ARHGEF26: variants seen among roughly 807,000 people sequenced by gnomAD.
The protein encoded by ARHGEF26 is Rho guanine nucleotide exchange factor (GEF) 26.
In ARHGEF26, 59 loss-of-function variants were observed where a neutral mutation model predicts 89.4. The ratio of observed to expected loss-of-function variants is 0.66; its 90% CI spans 0.54 to 0.82. The LOEUF (loss-of-function observed/expected upper bound fraction) is 0.82. Ranked by LOEUF, ARHGEF26 falls within the 40% of genes least tolerant of loss-of-function variation. The probability of loss-of-function intolerance (pLI) is 0.00; values close to 1 mark genes in which losing one functional copy is unlikely to be tolerated. For synonymous variants in ARHGEF26, 500 were observed against 428.4 expected, an observed-to-expected ratio of 1.17 and a Z score of -2.06; for missense variants, 1,234 against 1,085.6, an observed-to-expected ratio of 1.14 and a Z score of -1.92.
chr3:154,162,368 T>A (rs559069250), intron 6 of ARHGEF26, among the ~76,000 whole-genome samples: 3 of 152,330 alleles, frequency 2.0e-5, no homozygotes, highest in African/African-American at 4.8e-5. Flanking sequence ...TTCTAATTGC[T>A]TATCATAGGA....
intron 9 of ARHGEF26, among the ~76,000 whole-genome samples, chr3:154,201,742 C>G (rs1160163071): frequency 6.6e-6 from 1 of 152,086 alleles, no homozygotes; most frequent in Non-Finnish European, 1.5e-5. Context: ...ATTTGCATTT[C>G]TCTGATAGCC....
At chr3:154,191,823 G>C (rs1248762079) in intron 8 of ARHGEF26, among the ~76,000 whole-genome samples, 1 of 152,128 alleles carries the variant, frequency 6.6e-6, no homozygotes, top group Non-Finnish European at 1.5e-5. Flanking sequence ...ATGTTCCAAG[G>C]TGCCCTGGGC....
chr3:154,138,107 A>G (rs972128594), intron 4 of ARHGEF26, among the ~76,000 whole-genome samples: 5 of 152,234 alleles, frequency 3.3e-5, no homozygotes, highest in African/African-American at 1.2e-4. Flanking sequence ...CAGTGTTATA[A>G]CTGCATTAAT....
At chr3:154,253,300 C>G (rs1718278342) in intron 13 of ARHGEF26, 117 bp downstream of exon 13, 1 of 1,135,652 alleles carries the variant, frequency 8.8e-7, no homozygotes, top group Non-Finnish European at 1.3e-6. Context: ...TCCTCCAGGG[C>G]TTCCTTCTGC....
chr3:154,175,148 T>C (rs1440344262), intron 6 of ARHGEF26, among the ~76,000 whole-genome samples: 1 of 152,224 alleles, frequency 6.6e-6, no homozygotes, highest in Non-Finnish European at 1.5e-5. Flanking sequence ...GAAAATGTGA[T>C]GGCATCCCAT....
At position 154,217,927 on chromosome 3, in the gene ARHGEF26, C is replaced by T. The variant is rs1715879227; in HGVS notation, c.1904C>T (p.Thr635Ile). 6.3e-7 allele frequency: 1 copy of T among 1,599,230 alleles called. No homozygotes were observed. The highest frequency in any genetic ancestry group is 8.5e-7 in the Non-Finnish European group (1 of 1,172,496). Residue 635 changes from threonine (T) to isoleucine (I), a missense_variant, in exon 10 of 15, where the codon ACA becomes ATA. Coordinates refer to ENST00000465093, the MANE Select transcript of ARHGEF26 (RefSeq NM_015595.4). ...ATGGAAAGGACTGAGATGATGTACA[C>T]AATTAACTCCCAGCTGGAATTTAAA... ...RKMERTEMMY[T>I]INSQLEFKIK...
chr3:154,250,467 C>T (rs1207800137), intron 12 of ARHGEF26, among the ~76,000 whole-genome samples: 7 of 152,188 alleles, frequency 4.6e-5, no homozygotes, highest in Non-Finnish European at 1.0e-4. Flanking sequence ...TTGTTCTATC[C>T]TCTGGAGTCC....
intron 6 of ARHGEF26, among the ~76,000 whole-genome samples, chr3:154,160,920 T>C (rs1270890438): frequency 2.0e-5 from 3 of 152,120 alleles, no homozygotes; most frequent in Non-Finnish European, 4.4e-5. Context: ...CCTCTTTGGC[T>C]CTACCCAGCA....
chr3:154,193,472 T>C (rs1263017145), intron 8 of ARHGEF26, among the ~76,000 whole-genome samples: 1 of 152,182 alleles, frequency 6.6e-6, no homozygotes, highest in Non-Finnish European at 1.5e-5. Flanking sequence ...TCTGTACATT[T>C]AAGGGACCAG....
chr3:154,191,216 A>G lies in ARHGEF26; in HGVS notation c.1641-73A>G. The G allele has an allele frequency of 2.1e-6, 3 of 1,461,248 alleles. No homozygotes were observed. The African/African-American group carries it at 4.2e-5, about 21-fold the overall frequency. 90.5% of individuals were successfully genotyped at this position (1,461,248 alleles called of 1,614,324 possible). ...ATATGGATTTATCACAGTATTTTGT[A>G]ATACATTTTTACTTGCTGCTTAATT... On this transcript the variant is annotated intron_variant, in intron 7 of 14. Transcript: ENST00000465093.
At chr3:154,242,545 A>G (rs943311727) in intron 12 of ARHGEF26, among the ~76,000 whole-genome samples, 6 of 152,236 alleles carry the variant, frequency 3.9e-5, no homozygotes, top group African/African-American at 1.4e-4. Context: ...GAGCAAAGAA[A>G]GTGAAGTTGC....
chr3:154,232,996 T>G (rs559321183), intron 11 of ARHGEF26, among the ~76,000 whole-genome samples: 26 of 150,754 alleles, frequency 1.7e-4, no homozygotes, highest in African/African-American at 5.3e-4. Flanking sequence ...CCCGGCTAAT[T>G]TTTTTTTTCT....
chr3:154,244,851 G>T (rs2108290214), intron 12 of ARHGEF26, among the ~76,000 whole-genome samples: 1 of 152,106 alleles, frequency 6.6e-6, no homozygotes, highest in African/African-American at 2.4e-5. Context: ...AGTCTTTCTA[G>T]TAACAAATTT....
chr3:154,234,805 G>T (rs1423789555), intron 11 of ARHGEF26, among the ~76,000 whole-genome samples: 2 of 151,526 alleles, frequency 1.3e-5, no homozygotes, highest in Non-Finnish European at 2.9e-5. Flanking sequence ...TCACTTTGTC[G>T]CCCAGGCTGG....
Position 154,121,932 on chromosome 3 carries a change from T to C in ARHGEF26, c.-51-10T>C. On this transcript the variant is annotated splice_polypyrimidine_tract_variant and intron_variant, in intron 1 of 14. Coordinates refer to ENST00000465093, the MANE Select transcript of ARHGEF26 (RefSeq NM_015595.4). Reference sequence around the variant, plus strand: ...CAGAGGCACAGTTTCCTAACTTCTTTCCTCTTTAGGCAAGACTAACTCGGT... The same window carrying C: ...CAGAGGCACAGTTTCCTAACTTCTTCCCTCTTTAGGCAAGACTAACTCGGT... 1 of 1,516,628 alleles carries C rather than the reference T, an allele frequency of 6.6e-7. No homozygotes were observed. 93.9% of individuals were successfully genotyped at this position (1,516,628 alleles called of 1,614,324 possible).
rs1325869647 is a variant in ARHGEF26, at chr3:154,122,528, C to T, written c.536C>T (p.Ala179Val). 1.9e-6 allele frequency: 3 copies of T among 1,613,452 alleles called. No individual in the cohort carries two copies. The highest frequency in any genetic ancestry group is 1.1e-5 in the South Asian group (1 of 91,082). The change falls in exon 2 of 15, where the codon GCC (alanine) becomes GTC (valine). Residue 179 changes from alanine to valine, a missense_variant. By Grantham distance (64) the Ala-to-Val change is moderately conservative. Transcript: ENST00000465093. ...PVPSPTANGL[A>V]ANNDSPGSGS... ...CCTTCGCCCACTGCAAATGGCCTTG[C>T]CGCTAATAACGACTCTCCTGGGTCA...
intron 9 of ARHGEF26, among the ~76,000 whole-genome samples, chr3:154,201,196 T>A (rs1333638544): frequency 6.9e-6 from 1 of 144,072 alleles, no homozygotes; most frequent in African/African-American, 2.5e-5. Context: ...ATGTTCCCCT[T>A]CATGTGTCCA....
In ARHGEF26 at chr3:154,123,036, G is replaced by A. The variant is rs1254023076; in HGVS notation, c.1044G>A (p.Met348Ile). 2 of 1,613,968 alleles carry A rather than the reference G, an allele frequency of 1.2e-6. No homozygotes were observed. Among genetic ancestry groups the A allele is most frequent in the Non-Finnish European group, 8.5e-7 (1 of 1,179,876 alleles). ...CCCAGCCTGTTCTGAAAGTGGTGAT[G>A]GAAGACAAGGAGAAGTTTTCCAGTC... The part of the protein sequence containing the change: ...RMSQPVLKVV[M>I]EDKEKFSSLG... The change falls in exon 2 of 15, where the codon ATG (methionine) becomes ATA (isoleucine). Residue 348 changes from methionine (M) to isoleucine (I), a missense_variant. By Grantham distance (10) the Met-to-Ile change is conservative. Coordinates refer to ENST00000465093, the MANE Select transcript of ARHGEF26 (RefSeq NM_015595.4).
At chr3:154,169,488 A>G (rs1712280142) in intron 6 of ARHGEF26, among the ~76,000 whole-genome samples, 1 of 152,088 alleles carries the variant, frequency 6.6e-6, no homozygotes, top group Non-Finnish European at 1.5e-5. Context: ...TAAGTGCCAC[A>G]GTTTTTTGTA....
Sources: allele counts gnomAD v4.1 joint callset (sites outside exome capture counted in the v4.1 genomes callset), GRCh38; gene constraint gnomAD v4.1.1; transcripts MANE v1.5; gene names NCBI Gene and HGNC (gene_info 2026-07-23, HGNC 2026-07-21).